The following CSMD1 variants were observed in gnomAD, a reference collection of about 807,000 sequenced individuals.
The protein encoded by CSMD1 is CUB and sushi domain-containing protein 1.
In CSMD1, 213 loss-of-function variants were observed where a neutral mutation model predicts 417.5. The observed-to-expected ratio is 0.51, with a 90% CI of 0.46 to 0.57. CSMD1 has a LOEUF of 0.57. Ranked by LOEUF, CSMD1 falls within the 20% of genes least tolerant of loss-of-function variation. CSMD1 has a pLI of 0.00. For missense variants in CSMD1, 6,923 were observed against 4,529.7 expected (o/e 1.53, Z -15.17); for synonymous variants, 2,862 against 1,736.8 (o/e 1.65, Z -16.11).
intron 61 of CSMD1, 116 bp downstream of exon 61, chr8:2,962,350 A>T: frequency 1.1e-6 from 1 of 905,908 alleles, no homozygotes; most frequent in Non-Finnish European, 1.7e-6. Context: ...TACCTTGTAC[A>T]GAAAACTGTC....
At chr8:4,982,170 G>A (rs1175062607) in intron 1 of CSMD1, among the ~76,000 whole-genome samples, 1 of 152,194 alleles carries the variant, frequency 6.6e-6, no homozygotes, top group African/African-American at 2.4e-5. Flanking sequence ...CAGCTAAGCT[G>A]CCAAGCCATG....
chr8:4,540,422 G>T (rs1468033287), intron 2 of CSMD1, among the ~76,000 whole-genome samples: 1 of 152,072 alleles, frequency 6.6e-6, no homozygotes, highest in African/African-American at 2.4e-5. Flanking sequence ...AAAACCTCAG[G>T]CCGGGTGCAG....
chr8:3,627,474 G>A (rs79005273), intron 7 of CSMD1, among the ~76,000 whole-genome samples: 15 of 152,134 alleles, frequency 9.9e-5, no homozygotes, highest in South Asian at 4.1e-4. Context: ...ATTTAAAGTC[G>A]TGCTATTATT....
intron 4 of CSMD1, among the ~76,000 whole-genome samples, chr8:4,029,245 T>A (rs1390849723): frequency 6.6e-6 from 1 of 152,192 alleles, no homozygotes; most frequent in Admixed American, 6.5e-5. Flanking sequence ...AAAAACAGGA[T>A]GAAAACAATT....
rs573961836 is a variant in CSMD1 at position 3,690,292 on chromosome 8, G to T, written c.1009+18122C>A. Among the ~76,000 whole-genome samples the T allele has an allele frequency of 2.6e-5, 4 of 152,328 alleles. No homozygotes were observed. The East Asian group carries it at 7.7e-4, about 29-fold the overall frequency. On this transcript the variant is annotated intron_variant, in intron 7 of 69. Transcript: ENST00000635120. ...CAGAAGGATCGTTTGAGCCCAGGAG[G>T]TGGCAGTGACCGAAGATCGCACCAC...
At chr8:3,342,165 G>T (rs1237600999) in intron 23 of CSMD1, among the ~76,000 whole-genome samples, 1 of 152,142 alleles carries the variant, frequency 6.6e-6, no homozygotes, top group Admixed American at 6.5e-5. Flanking sequence ...GTTTCCTCAT[G>T]ATTTCAGCCA....
rs566243367 is a variant in CSMD1, at chr8:4,503,143, C to T, written c.303-83078G>A. 1.7e-4 allele frequency among the ~76,000 whole-genome samples: 26 copies of T among 152,178 alleles called. 1 individual carries two copies. In the South Asian group the frequency reaches 5.2e-3, roughly 30 times the overall value. On this transcript the variant is annotated intron_variant, in intron 2 of 69. Transcript: ENST00000635120. ...ATGTGTAATGGATATGCTTTTTTTA[C>T]GTGAAGTGTGCTTTTAATATATAGT...
At chr8:4,229,578 G>A (rs907443220) in intron 3 of CSMD1, among the ~76,000 whole-genome samples, 5 of 152,014 alleles carry the variant, frequency 3.3e-5, no homozygotes, top group Non-Finnish European at 7.4e-5. Context: ...CACCTTACAG[G>A]ACCTGTTTCC....
At chr8:3,930,328 A>G (rs768336722) in intron 5 of CSMD1, among the ~76,000 whole-genome samples, 5 of 150,612 alleles carry the variant, frequency 3.3e-5, no homozygotes, top group Non-Finnish European at 7.4e-5. Flanking sequence ...ACACTCTTAA[A>G]TATCTGCCAG....
intron 5 of CSMD1, among the ~76,000 whole-genome samples, chr8:3,889,088 CA>C: frequency 6.6e-6 from 1 of 151,970 alleles, no homozygotes; most frequent in East Asian, 1.9e-4. Flanking sequence ...TGCTGGTGAC[CA>C]ATTCATTGGT....
intron 3 of CSMD1, among the ~76,000 whole-genome samples, chr8:4,244,442 A>T (rs1216565856): frequency 6.6e-6 from 1 of 152,192 alleles, no homozygotes; most frequent in Non-Finnish European, 1.5e-5. Context: ...ATTTTTGTCA[A>T]ATAATTTTTT....
intron 10 of CSMD1, among the ~76,000 whole-genome samples, chr8:3,547,353 G>A (rs758701371): frequency 3.9e-5 from 6 of 152,146 alleles, no homozygotes; most frequent in East Asian, 1.9e-4. Flanking sequence ...TTGTACGGTC[G>A]AAAAATATCA....
intron 5 of CSMD1, among the ~76,000 whole-genome samples, chr8:3,927,115 G>A (rs1221853731): frequency 1.3e-5 from 2 of 151,730 alleles, no homozygotes; most frequent in South Asian, 2.1e-4. Context: ...GTTTTTAACT[G>A]AGAATAATAT....
At position 4,787,585 on chromosome 8, in the gene CSMD1, C is replaced by G. The variant is rs772740092; in HGVS notation, c.86-150027G>C. Reference sequence around the variant, plus strand: ...AGACAGCTTTCATTGCACCCCAGTGCGAAATGATTCCAATTGAATGGGTTT... The same window carrying G: ...AGACAGCTTTCATTGCACCCCAGTGGGAAATGATTCCAATTGAATGGGTTT... On this transcript the variant is annotated intron_variant, in intron 1 of 69. Transcript: ENST00000635120. 443 of 1,524,332 alleles carry G rather than the reference C, an allele frequency of 2.9e-4. 1 individual carries two copies. The highest frequency in any genetic ancestry group is 1.6e-3 in the Middle Eastern group (8 of 4,994). 94.4% of individuals were successfully genotyped at this position (1,524,332 alleles called of 1,614,324 possible). A position where few individuals can be genotyped will look rare whatever the true frequency, so the allele number is the denominator to read the frequency against.
chr8:3,493,243 G>C (rs189700995), intron 11 of CSMD1, among the ~76,000 whole-genome samples: 1 of 144,494 alleles, frequency 6.9e-6, no homozygotes, highest in African/African-American at 2.6e-5. Context: ...GCAGTGAGCC[G>C]AGATCTGACC....
intron 26 of CSMD1, among the ~76,000 whole-genome samples, chr8:3,267,618 A>G (rs1442493323): frequency 6.6e-6 from 1 of 152,194 alleles, no homozygotes; most frequent in Non-Finnish European, 1.5e-5. Context: ...GCTGATAGGA[A>G]AGAAATGTGT....
chr8:3,907,308 G>C lies in CSMD1; in HGVS notation c.818+90595C>G, dbSNP rs565889908. Among the ~76,000 whole-genome samples the C allele has an allele frequency of 9.2e-5, 14 of 152,238 alleles. No homozygotes were observed. The South Asian group carries it at 2.9e-3, about 32-fold the overall frequency. On this transcript the variant is annotated intron_variant, in intron 5 of 69. Transcript: ENST00000635120. ...GACTTTTTAAGAAGACATTAACGTG[G>C]ATGGTACATATTTGCTGTTTCTAAA...
At chr8:4,168,541 C>A (rs1026537294) in intron 3 of CSMD1, among the ~76,000 whole-genome samples, 70 of 152,106 alleles carry the variant, frequency 4.6e-4, no homozygotes, top group Non-Finnish European at 1.6e-4. Context: ...ACACAGAACA[C>A]AACAGTGAGC....
intron 8 of CSMD1, among the ~76,000 whole-genome samples, chr8:3,608,937 T>G (rs528033459): frequency 5.6e-4 from 85 of 152,266 alleles, no homozygotes; most frequent in African/African-American, 2.0e-3. Flanking sequence ...CTTGGAATGC[T>G]GAGCTCAAGG....
Sources: gnomAD v4.1 joint callset for allele counts (sites outside exome capture counted in the v4.1 genomes callset) on GRCh38, gnomAD v4.1.1 for gene constraint, MANE v1.5 for transcripts, NCBI Gene and HGNC (gene_info 2026-07-23, HGNC 2026-07-21) for gene names.